Variants in SWAP70 observed in about 807,000 individuals in gnomAD.
SWAP70 encodes switching B cell complex subunit SWAP70.
In SWAP70, 34 loss-of-function variants were observed where a neutral mutation model predicts 80.2. The ratio of observed to expected loss-of-function variants is 0.42; its 90% CI spans 0.32 to 0.56. The LOEUF (loss-of-function observed/expected upper bound fraction) is 0.56. Among genes scored for constraint, SWAP70 ranks in the 20% least tolerant of loss-of-function variants. The pLI, the probability that SWAP70 is intolerant of heterozygous loss-of-function variation, is 0.09. For missense variants in SWAP70, 578 were observed against 690.7 expected (o/e 0.84, Z 1.83); for synonymous variants, 239 against 238.5 (o/e 1.00, Z -0.02).
intron 2 of SWAP70, among the ~76,000 whole-genome samples, chr11:9,698,117 T>TG (rs1850784022): frequency 6.7e-6 from 1 of 149,136 alleles, no homozygotes; most frequent in Non-Finnish European, 1.5e-5. Flanking sequence ...TTTTTTTTTT[T>TG]TGAGACCAGG....
At chr11:9,723,795 A>G (rs1037507835) in intron 3 of SWAP70, among the ~76,000 whole-genome samples, 3 of 147,594 alleles carry the variant, frequency 2.0e-5, no homozygotes, top group East Asian at 2.0e-4. Flanking sequence ...TTTTTTTGAA[A>G]CAAGAGTCTT....
At chr11:9,667,566 C>G (rs1331028058) in intron 1 of SWAP70, among the ~76,000 whole-genome samples, 2 of 151,674 alleles carry the variant, frequency 1.3e-5, no homozygotes, top group Non-Finnish European at 1.5e-5. Context: ...CTTTATAATT[C>G]TTTTTCTCTT....
chr11:9,745,093 A>G (rs1326475175), intron 9 of SWAP70, among the ~76,000 whole-genome samples: 2 of 152,172 alleles, frequency 1.3e-5, no homozygotes, highest in Admixed American at 6.5e-5. Flanking sequence ...AATGGATCCA[A>G]TGGGACCACA....
At chr11:9,694,558 C>T (rs1456699482) in intron 2 of SWAP70, among the ~76,000 whole-genome samples, 1 of 152,140 alleles carries the variant, frequency 6.6e-6, no homozygotes, top group East Asian at 1.9e-4. Flanking sequence ...TATTCTCTCT[C>T]AGGGTGCTTT....
chr11:9,717,806 G>A (rs1265380843), intron 3 of SWAP70, among the ~76,000 whole-genome samples: 1 of 152,032 alleles, frequency 6.6e-6, no homozygotes, highest in African/African-American at 2.4e-5. Flanking sequence ...TAAAATATTT[G>A]GTGGACTTGA....
At chr11:9,688,078 CCA>C (rs113750231) in intron 1 of SWAP70, among the ~76,000 whole-genome samples, 4,796 of 152,216 alleles carry the variant, frequency 0.032, 100 homozygotes, top group Non-Finnish European at 0.046. Context: ...AAGTCTCAGG[CCA>C]CAGTCTTTTT....
intron 8 of SWAP70, 89 bp downstream of exon 8, chr11:9,738,409 T>C: frequency 1.1e-6 from 1 of 887,892 alleles, no homozygotes; most frequent in South Asian, 2.2e-5. Context: ...CAGTGAGGCA[T>C]GTCATCAGCT....
chr11:9,672,901 C>T (rs901867646), intron 1 of SWAP70, among the ~76,000 whole-genome samples: 1 of 152,062 alleles, frequency 6.6e-6, no homozygotes, highest in Non-Finnish European at 1.5e-5. Context: ...AATTAGATAT[C>T]ATTTTAATAG....
intron 1 of SWAP70, among the ~76,000 whole-genome samples, chr11:9,674,780 C>T (rs750862434): frequency 4.6e-5 from 7 of 151,618 alleles, no homozygotes; most frequent in Non-Finnish European, 8.8e-5. Flanking sequence ...CTGGCTAACA[C>T]GGTGAAACCC....
Position 9,679,965 on chromosome 11 carries a change from G to A in SWAP70, c.100-14181G>A, listed in dbSNP as rs551396881. ...ATTACAGGCATGAGCCACTGCACGCGGCCTGCTTTTTATATTTTAAGATTA... is the reference window on the plus strand; with the variant it reads ...ATTACAGGCATGAGCCACTGCACGCAGCCTGCTTTTTATATTTTAAGATTA... On this transcript the variant is annotated intron_variant, in intron 1 of 11. Coordinates refer to ENST00000318950, the MANE Select transcript of SWAP70 (RefSeq NM_015055.4). Among the ~76,000 whole-genome samples, 11 of 152,178 alleles carry A rather than the reference G, an allele frequency of 7.2e-5. No individual in the cohort carries two copies. The South Asian group carries it at 2.1e-3, about 29-fold the overall frequency.
intron 1 of SWAP70, among the ~76,000 whole-genome samples, chr11:9,693,038 C>A (rs1232694825): frequency 4.6e-5 from 7 of 152,140 alleles, no homozygotes; most frequent in Middle Eastern, 3.4e-3. Flanking sequence ...AATGTTTAAT[C>A]TTAAAAAAAC....
In SWAP70 at chr11:9,747,848, C is replaced by T. The variant is rs1851531508; in HGVS notation, c.1356-10C>T. ...CAGGATTTGATCTGGAGCTTTCCTC[C>T]ACATTGTAGGTTGTTGGAGGAAGAG... On this transcript the variant is annotated splice_polypyrimidine_tract_variant and intron_variant, in intron 9 of 11. Coordinates refer to ENST00000318950, the MANE Select transcript of SWAP70 (RefSeq NM_015055.4). 1.2e-6 allele frequency: 2 copies of T among 1,613,818 alleles called. No individual in the cohort carries two copies. Among genetic ancestry groups the T allele is most frequent in the African/African-American group, 1.3e-5 (1 of 74,924 alleles).
At chr11:9,690,326 A>C (rs1259076050) in intron 1 of SWAP70, among the ~76,000 whole-genome samples, 1 of 152,180 alleles carries the variant, frequency 6.6e-6, no homozygotes, top group Non-Finnish European at 1.5e-5. Context: ...TCACGCCTCT[A>C]ATCCCAGCAC....
chr11:9,743,800 C>T (rs908083104), intron 9 of SWAP70, among the ~76,000 whole-genome samples: 4 of 151,910 alleles, frequency 2.6e-5, no homozygotes, highest in East Asian at 1.9e-4. Flanking sequence ...AAGCAACAGC[C>T]GATCATTCGT....
At chr11:9,729,486 C>CT (rs1851267889) in intron 6 of SWAP70, 35 bp downstream of exon 6, 1 of 1,456,164 alleles carries the variant, frequency 6.9e-7, no homozygotes, top group East Asian at 2.3e-5. Context: ...CATGATATAA[C>CT]TTGAAAGCTC....
In SWAP70 at chr11:9,709,702, T is replaced by G. The variant is rs182166934; in HGVS notation, c.241-3764T>G. On this transcript the variant is annotated intron_variant, in intron 2 of 11. Transcript: ENST00000318950. ...CAGGGTTTCACCATGTTGCTCAGGC[T>G]GATCTCAAACTCCTGAACTCAAGCG... 3.9e-5 allele frequency among the ~76,000 whole-genome samples: 6 copies of G among 152,262 alleles called. No homozygotes were observed. The East Asian group carries it at 1.2e-3, about 29-fold the overall frequency.
At chr11:9,745,941 CAG>C (rs1851506609) in intron 9 of SWAP70, among the ~76,000 whole-genome samples, 1 of 152,230 alleles carries the variant, frequency 6.6e-6, no homozygotes, top group Admixed American at 6.5e-5. Context: ...GCAGGAATCA[CAG>C]GGGGATGAGC....
At chr11:9,671,545 TATAGAA>T (rs1247519144) in intron 1 of SWAP70, among the ~76,000 whole-genome samples, 5 of 83,586 alleles carry the variant, frequency 6.0e-5, no homozygotes, top group Non-Finnish European at 1.1e-4. Flanking sequence ...TATAGAAATA[TATAGAA>T]ATATATATAA....
At chr11:9,704,225 G>GTA (rs778628433) in intron 2 of SWAP70, among the ~76,000 whole-genome samples, 1 of 151,994 alleles carries the variant, frequency 6.6e-6, no homozygotes, top group African/African-American at 2.4e-5. Flanking sequence ...GCCTTACTGT[G>GTA]TATATATATG....
Sources: allele counts gnomAD v4.1 joint callset (sites outside exome capture counted in the v4.1 genomes callset), GRCh38; gene constraint gnomAD v4.1.1; transcripts MANE v1.5; gene names NCBI Gene and HGNC (gene_info 2026-07-23, HGNC 2026-07-21).